CAPN7: variants seen among roughly 807,000 people sequenced by gnomAD.
The protein encoded by CAPN7 is calpain-7.
In CAPN7, 72 loss-of-function variants were observed where a neutral mutation model predicts 115.2. The observed-to-expected ratio is 0.63, with a 90% CI of 0.52 to 0.76. The LOEUF (loss-of-function observed/expected upper bound fraction) is 0.76, where lower values mean the gene tolerates loss of function less well. CAPN7 is among the 30% of genes least tolerant of loss of function. The pLI, the probability that CAPN7 is intolerant of heterozygous loss-of-function variation, is 0.00. For missense variants in CAPN7, 905 were observed against 971.5 expected (o/e 0.93, Z 0.91); for synonymous variants, 344 against 322.3 (o/e 1.07, Z -0.72).
Position 15,223,478 on chromosome 3 carries a change from A to C in CAPN7, c.642A>C (p.Thr214=). 6.2e-7 allele frequency: 1 copy of C among 1,600,226 alleles called. No individual in the cohort carries two copies. The stretch of plus-strand genomic sequence containing the variant: ...GTTTTTTTCTCGTGTTTGATAGGAC[A>C]ACATCAAAAATAAATGGTATAGAAT... ...YTAEEIEVLR[T]TSKINGIEYV... The change falls in exon 6 of 21, where the codon ACA becomes ACC. Residue 214 remains threonine, a synonymous_variant. Coordinates refer to ENST00000253693, the MANE Select transcript of CAPN7 (RefSeq NM_014296.3).
intron 4 of CAPN7, among the ~76,000 whole-genome samples, chr3:15,220,410 A>C (rs950033533): frequency 2.6e-5 from 4 of 152,170 alleles, no homozygotes; most frequent in Admixed American, 2.0e-4. Flanking sequence ...TCTGTTGTAC[A>C]TTCATTTGCA....
intron 4 of CAPN7, 129 bp from the exon 5 acceptor site, chr3:15,220,652 A>G: frequency 1.4e-6 from 1 of 689,934 alleles, no homozygotes; most frequent in South Asian, 1.9e-5. Context: ...GTTGATTAGT[A>G]TGTAAGAATT....
At chr3:15,239,535 AGACAAGAT>A (rs1385439399) in intron 12 of CAPN7, among the ~76,000 whole-genome samples, 7 of 152,208 alleles carry the variant, frequency 4.6e-5, no homozygotes, top group African/African-American at 1.7e-4. Context: ...TACATTGGGG[AGACAAGAT>A]GACTACATTT....
intron 6 of CAPN7, among the ~76,000 whole-genome samples, chr3:15,225,235 T>C (rs936407241): frequency 3.9e-5 from 6 of 152,262 alleles, no homozygotes; most frequent in South Asian, 2.1e-4. Context: ...CCAAATACTT[T>C]AACATTTTTT....
chr3:15,206,302 G>T lies in CAPN7; in HGVS notation c.-194G>T, dbSNP rs950754471. 2 of 522,132 alleles carry T rather than the reference G, an allele frequency of 3.8e-6. No homozygotes were observed. Among genetic ancestry groups the T allele is most frequent in the Non-Finnish European group, 6.7e-6 (2 of 297,218 alleles). 32.3% of individuals were successfully genotyped at this position (522,132 alleles called of 1,614,324 possible). On this transcript the variant is annotated 5_prime_UTR_variant, in exon 1 of 21. Transcript: ENST00000253693. The stretch of plus-strand genomic sequence containing the variant: ...CGGGTGGGCTACAAGCCGGGTCTGG[G>T]CTGAGGGGCGCGGCTTCGCGGTGGA...
intron 17 of CAPN7, chr3:15,246,259 A>C (rs1286455408): frequency 6.4e-6 from 1 of 155,792 alleles, no homozygotes; most frequent in East Asian, 1.9e-4. Context: ...TTTTAAAGCA[A>C]GCAATAAAAA....
Position 15,247,446 on chromosome 3 carries a change from A to G in CAPN7, c.2193A>G (p.Leu731=). The change falls in exon 19 of 21, where the codon CTA becomes CTG. Residue 731 remains leucine, a synonymous_variant. Coordinates refer to ENST00000253693, the MANE Select transcript of CAPN7 (RefSeq NM_014296.3). Reference sequence around the variant, plus strand: ...AGACTGGGCCGTTACTGATTGAGCTACGAGGACCAAGGTTTGTGATGAGTA... The same window carrying G: ...AGACTGGGCCGTTACTGATTGAGCTGCGAGGACCAAGGTTTGTGATGAGTA... ...IEKTGPLLIE[L]RGPRQYSVGF... 3.8e-6 allele frequency: 6 copies of G among 1,599,274 alleles called. No individual in the cohort carries two copies. The highest frequency in any genetic ancestry group is 2.6e-6 in the Non-Finnish European group (3 of 1,175,478).
intron 16 of CAPN7, among the ~76,000 whole-genome samples, chr3:15,244,353 A>G (rs1311095260): frequency 6.6e-6 from 1 of 152,212 alleles, no homozygotes; most frequent in Admixed American, 6.5e-5. Context: ...TCTTATGTAT[A>G]GTGATTTTGC....
At chr3:15,243,852 C>T (rs1331805788) in intron 16 of CAPN7, among the ~76,000 whole-genome samples, 3 of 152,046 alleles carry the variant, frequency 2.0e-5, no homozygotes, top group Admixed American at 6.6e-5. Context: ...TGGCTTAATA[C>T]GTGGGTGATG....
chr3:15,250,713 A>C (rs763275690), intron 19 of CAPN7, among the ~76,000 whole-genome samples: 1 of 152,210 alleles, frequency 6.6e-6, no homozygotes, highest in Non-Finnish European at 1.5e-5. Context: ...TGGTAAAAAT[A>C]CAGTCTCTCT....
chr3:15,210,658 G>A (rs888656568), intron 1 of CAPN7: 33 of 367,578 alleles, frequency 9.0e-5, no homozygotes, highest in African/African-American at 5.1e-4. Context: ...GCAGTGGCCC[G>A]ATCACAGCTC....
At chr3:15,247,916 A>C (rs113351001) in intron 19 of CAPN7, among the ~76,000 whole-genome samples, 1 of 152,012 alleles carries the variant, frequency 6.6e-6, no homozygotes, top group Non-Finnish European at 1.5e-5. Context: ...TCAGTAAACT[A>C]TCGCAAGAAC....
chr3:15,208,493 C>G (rs112820857), intron 1 of CAPN7, among the ~76,000 whole-genome samples: 1 of 141,208 alleles, frequency 7.1e-6, no homozygotes, highest in East Asian at 2.0e-4. Context: ...AATGGAGTCT[C>G]GCTGTGTTGC....
intron 12 of CAPN7, among the ~76,000 whole-genome samples, chr3:15,239,919 A>G (rs1695239047): frequency 6.6e-6 from 1 of 152,244 alleles, no homozygotes; most frequent in African/African-American, 2.4e-5. Context: ...AAAAGGGAAC[A>G]GCATGATCAA....
At chr3:15,243,421 T>C (rs937725472) in intron 16 of CAPN7, among the ~76,000 whole-genome samples, 2 of 152,140 alleles carry the variant, frequency 1.3e-5, no homozygotes, top group East Asian at 3.9e-4. Context: ...AGGGTAGAGA[T>C]ACAGATAGGG....
chr3:15,228,993 C>T lies in CAPN7; in HGVS notation c.872C>T (p.Ser291Phe), dbSNP rs1400617901. ...SIKQTIVSDC[S>F]FVASLAISAA... The stretch of plus-strand genomic sequence containing the variant: ...TAACAGACAATAGTATCGGATTGCT[C>T]CTTTGTGGCATCACTGGCCATCAGT... The change falls in exon 8 of 21, where the codon TCC (serine) becomes TTC (phenylalanine). Residue 291 changes from serine to phenylalanine, a missense_variant. By Grantham distance (155) the Ser-to-Phe change is radical. Around this residue, in one of 3 missense-constraint regions of CAPN7, gnomAD observed 620 missense variants for 703.4 expected, o/e 0.88. Transcript: ENST00000253693. The T allele has an allele frequency of 1.2e-6, 2 of 1,611,776 alleles. No individual in the cohort carries two copies. Among genetic ancestry groups the T allele is most frequent in the Non-Finnish European group, 1.7e-6 (2 of 1,178,516 alleles).
At chr3:15,236,252 A>G (rs567133067) in intron 12 of CAPN7, among the ~76,000 whole-genome samples, 1 of 152,112 alleles carries the variant, frequency 6.6e-6, no homozygotes, top group Non-Finnish European at 1.5e-5. Context: ...GTAAGCAAGT[A>G]TTTTTCTTCC....
At chr3:15,246,450 A>C (rs914354387) in intron 17 of CAPN7, 1 of 359,110 alleles carries the variant, frequency 2.8e-6, no homozygotes, top group Admixed American at 4.6e-5. Flanking sequence ...TAGTGATGAA[A>C]GGGACATTGG....
chr3:15,219,954 A>G (rs997771853), intron 4 of CAPN7, among the ~76,000 whole-genome samples: 2 of 152,096 alleles, frequency 1.3e-5, no homozygotes, highest in East Asian at 1.9e-4. Context: ...TAATCCCAAC[A>G]CTTTGGGAGA....
Sources: allele counts gnomAD v4.1 joint callset (sites outside exome capture counted in the v4.1 genomes callset), GRCh38; gene constraint gnomAD v4.1.1; regional missense constraint gnomAD v4.1.1; transcripts MANE v1.5; gene names NCBI Gene and HGNC (gene_info 2026-07-23, HGNC 2026-07-21).